The following OR6C2 variants were observed in gnomAD, a reference collection of about 807,000 sequenced individuals.
The protein encoded by OR6C2 is olfactory receptor family 6 subfamily C member 2, also known as olfactory receptor 6C2.
For synonymous variants in OR6C2, 146 were observed against 134.2 expected (o/e 1.09, Z -0.61); for missense variants, 435 against 365.8 (o/e 1.19, Z -1.54).
chr12:55,447,013 T>G (rs1237780759), intron 1 of OR6C2, among the ~76,000 whole-genome samples: 2 of 152,170 alleles, frequency 1.3e-5, no homozygotes, highest in African/African-American at 4.8e-5. Context: ...CTTACACCTG[T>G]AGATGCAATT....
Position 55,453,054 on chromosome 12 carries a change from C to T in OR6C2, c.841C>T (p.Pro281Ser). The T allele has an allele frequency of 1.9e-6, 3 of 1,613,436 alleles. No homozygotes were observed. The highest frequency in any genetic ancestry group is 2.7e-5 in the African/African-American group (2 of 74,964). Residue 281 changes from proline to serine, a missense_variant, in exon 2 of 2, where the codon CCC becomes TCC. Pro to Ser is a moderately conservative substitution (Grantham distance 74, BLOSUM62 -1). Coordinates refer to ENST00000641202, the MANE Select transcript of OR6C2 (RefSeq NM_054105.2). Reference protein sequence around the residue: ...GVSVLTTSVAPLLNPFIYTLR... With the variant: ...GVSVLTTSVASLLNPFIYTLR... ...TTCAGTTCTTACTACTTCTGTCGCA[C>T]CCTTGTTGAACCCCTTCATTTACAC...
intron 1 of OR6C2, among the ~76,000 whole-genome samples, chr12:55,451,033 T>A (rs1713880562): frequency 6.9e-6 from 1 of 144,286 alleles, no homozygotes; most frequent in South Asian, 2.2e-4. Context: ...AAATTTTTTT[T>A]AATTTTATGC....
In OR6C2 at chr12:55,451,207, ATTAAG is replaced by A. The variant is rs1006214275; in HGVS notation, c.-887-116_-887-112del. On this transcript the variant is annotated intron_variant, in intron 1 of 1. Transcript: ENST00000641202. ...ATTATTTGTTATTTTAAAATATACA[ATTAAG>A]TTATTATTGACTATAGTGTCCCTAT... 13 of 151,956 alleles carry A rather than the reference ATTAAG, an allele frequency of 8.6e-5. 1 individual carries two copies. The highest frequency in any genetic ancestry group is 4.1e-4 in the South Asian group (2 of 4,832). 9.4% of individuals were successfully genotyped at this position (151,956 alleles called of 1,614,324 possible). A position where few individuals can be genotyped will look rare whatever the true frequency, so the allele number is the denominator to read the frequency against.
At chr12:55,447,026 C>G (rs1203567489) in intron 1 of OR6C2, among the ~76,000 whole-genome samples, 1 of 152,170 alleles carries the variant, frequency 6.6e-6, no homozygotes, top group Non-Finnish European at 1.5e-5. Flanking sequence ...ATGCAATTCA[C>G]CGATAGCCTA....
chr12:55,450,801 G>C (rs1050659532), intron 1 of OR6C2, among the ~76,000 whole-genome samples: 2 of 152,046 alleles, frequency 1.3e-5, no homozygotes, highest in East Asian at 1.9e-4. Flanking sequence ...GATATAGAAA[G>C]AATATCAGTA....
rs1279970743 is a variant in OR6C2, at chr12:55,453,060, T to C, written c.847T>C (p.Leu283=). Residue 283 remains leucine (L), a synonymous_variant, in exon 2 of 2, where the codon TTG becomes CTG. Transcript: ENST00000641202. ...SVLTTSVAPL[L]NPFIYTLRNK... is the part of the protein sequence containing the mutation. ...TCTTACTACTTCTGTCGCACCCTTG[T>C]TGAACCCCTTCATTTACACCTTGAG... 6.2e-7 allele frequency: 1 copy of C among 1,613,490 alleles called. No homozygotes were observed. Among genetic ancestry groups the C allele is most frequent in the Non-Finnish European group, 8.5e-7 (1 of 1,179,640 alleles).
chr12:55,445,899 T>C (rs905207510), intron 1 of OR6C2, among the ~76,000 whole-genome samples: 6 of 152,200 alleles, frequency 3.9e-5, no homozygotes, highest in African/African-American at 1.4e-4. Context: ...ACCACAGCTA[T>C]TCTAATTTCT....
rs753749688 is a variant in OR6C2, at chr12:55,444,103, A to G, written c.-944A>G. On this transcript the variant is annotated 5_prime_UTR_variant, in exon 1 of 2. Transcript: ENST00000641202. ...TCCTTAACACAACACAGTTCAACCC[A>G]TTAGGGAGCTGCCACCTGAAATCGT... 15 of 152,112 alleles carry G rather than the reference A, an allele frequency of 9.9e-5. No individual in the cohort carries two copies. The highest frequency in any genetic ancestry group is 1.8e-4 in the Non-Finnish European group (12 of 67,982). 9.4% of individuals were successfully genotyped at this position (152,112 alleles called of 1,614,324 possible). A position where few individuals can be genotyped will look rare whatever the true frequency, so the allele number is the denominator to read the frequency against.
chr12:55,447,147 A>G (rs1411459920), intron 1 of OR6C2, among the ~76,000 whole-genome samples: 1 of 152,136 alleles, frequency 6.6e-6, no homozygotes, highest in East Asian at 1.9e-4. Flanking sequence ...AGATAGTCTC[A>G]TGGTCCTCAC....
At chr12:55,446,420 G>A (rs1379035946) in intron 1 of OR6C2, among the ~76,000 whole-genome samples, 1 of 152,060 alleles carries the variant, frequency 6.6e-6, no homozygotes, top group African/African-American at 2.4e-5. Context: ...ATGAGCCACC[G>A]CGCCCGGCCA....
rs375134016 is a variant in OR6C2 at position 55,452,760 on chromosome 12, C to T, written c.547C>T (p.Leu183=). The change falls in exon 2 of 2, where the codon CTA becomes TTA. Residue 183 remains leucine (L), a synonymous_variant. Transcript: ENST00000641202. ...DHFSCDAGPL[L]KISCSDTWVI... is the part of the protein sequence containing the mutation. ...TTTTAGCTGTGATGCAGGTCCTCTC[C>T]TAAAGATCTCATGCTCAGATACATG... The T allele has an allele frequency of 2.3e-5, 37 of 1,613,736 alleles. No individual in the cohort carries two copies. The highest frequency in any genetic ancestry group is 4.2e-6 in the Non-Finnish European group (5 of 1,179,844).
chr12:55,445,772 T>A (rs1295140741), intron 1 of OR6C2, among the ~76,000 whole-genome samples: 3 of 152,310 alleles, frequency 2.0e-5, no homozygotes, highest in Non-Finnish European at 4.4e-5. Flanking sequence ...GCTGATGGCA[T>A]AAGGGACAAC....
Position 55,452,155 on chromosome 12 carries a change from C to A in OR6C2, c.-59C>A. On this transcript the variant is annotated 5_prime_UTR_variant, in exon 2 of 2. Transcript: ENST00000641202. ...TCCTTTTGCTATAGAATTCAAATAT[C>A]TACCCCCTCATAAACCGTGATTTTT... 9.1e-7 allele frequency: 1 copy of A among 1,099,176 alleles called. No individual in the cohort carries two copies. The highest frequency in any genetic ancestry group is 1.6e-5 in the South Asian group (1 of 61,328). 68.1% of individuals were successfully genotyped at this position (1,099,176 alleles called of 1,614,324 possible).
intron 1 of OR6C2, among the ~76,000 whole-genome samples, chr12:55,447,081 C>A (rs1871377208): frequency 6.6e-6 from 1 of 152,196 alleles, no homozygotes; most frequent in Non-Finnish European, 1.5e-5. Flanking sequence ...GGGCTGAATG[C>A]TATTCTGCAG....
At position 55,452,516 on chromosome 12, in the gene OR6C2, T is replaced by C; in HGVS notation, c.303T>C (p.Phe101=). 1 of 1,613,978 alleles carries C rather than the reference T, an allele frequency of 6.2e-7. No individual in the cohort carries two copies. Among genetic ancestry groups the C allele is most frequent in the Non-Finnish European group, 8.5e-7 (1 of 1,179,876 alleles). ...TYNACASQIF[F]VILFGATEFF... ...ATGCTTGTGCCAGTCAAATATTCTT[T>C]GTTATTCTCTTTGGAGCAACAGAAT... Residue 101 remains phenylalanine (F), a synonymous_variant, in exon 2 of 2, where the codon TTT becomes TTC. Coordinates refer to ENST00000641202, the MANE Select transcript of OR6C2 (RefSeq NM_054105.2).
chr12:55,452,986 T>G lies in OR6C2; in HGVS notation c.773T>G (p.Ile258Ser), dbSNP rs1218746812. 4.3e-6 allele frequency: 7 copies of G among 1,613,714 alleles called. No individual in the cohort carries two copies. The highest frequency in any genetic ancestry group is 5.9e-6 in the Non-Finnish European group (7 of 1,179,732). The change falls in exon 2 of 2, where the codon ATC becomes AGC. Residue 258 changes from isoleucine to serine, a missense_variant. Ile to Ser is a moderately radical substitution (Grantham distance 142, BLOSUM62 -2). Coordinates refer to ENST00000641202, the MANE Select transcript of OR6C2 (RefSeq NM_054105.2). Reference protein sequence around the residue: ...IAYGSCIFIYIKPSAKDEVAI... With the variant: ...IAYGSCIFIYSKPSAKDEVAI... The stretch of plus-strand genomic sequence containing the variant: ...TATGGAAGCTGCATCTTCATCTATA[T>G]CAAGCCCTCTGCAAAAGATGAGGTG...
At chr12:55,449,983 T>C (rs1871436338) in intron 1 of OR6C2, among the ~76,000 whole-genome samples, 1 of 152,150 alleles carries the variant, frequency 6.6e-6, no homozygotes, top group East Asian at 1.9e-4. Context: ...AAATAAGAAC[T>C]TTGAACCAAC....
chr12:55,448,748 T>C (rs1316342262), intron 1 of OR6C2, among the ~76,000 whole-genome samples: 1 of 151,182 alleles, frequency 6.6e-6, no homozygotes, highest in Non-Finnish European at 1.5e-5. Context: ...AAATTTAGAA[T>C]GCTGTAGTAT....
At chr12:55,444,433 A>G (rs1871329011) in intron 1 of OR6C2, among the ~76,000 whole-genome samples, 1 of 152,322 alleles carries the variant, frequency 6.6e-6, no homozygotes, top group East Asian at 1.9e-4. Context: ...AATCCTTGGA[A>G]TATATACAAA....
Sources: allele counts gnomAD v4.1 joint callset (sites outside exome capture counted in the v4.1 genomes callset), GRCh38; gene constraint gnomAD v4.1.1; transcripts MANE v1.5; gene names NCBI Gene and HGNC (gene_info 2026-07-23, HGNC 2026-07-21).